The following HECTD2 variants were observed in gnomAD, a reference collection of about 807,000 sequenced individuals.
HECTD2 encodes the protein HECT domain E3 ubiquitin protein ligase 2.
A neutral mutation model predicts 103.2 loss-of-function variants in HECTD2; 35 were observed. That is an observed-to-expected ratio of 0.34 (90% CI 0.26 to 0.45). The LOEUF is 0.45. Among genes scored for constraint, HECTD2 ranks in the 20% least tolerant of loss-of-function variants. HECTD2 has a pLI of 1.00. For missense variants in HECTD2, 596 were observed against 937.4 expected, an observed-to-expected ratio of 0.64 and a Z score of 4.76; for synonymous variants, 281 against 329.9, an observed-to-expected ratio of 0.85 and a Z score of 1.61.
At chr10:91,476,830 T>A (rs1343079631) in intron 5 of HECTD2, among the ~76,000 whole-genome samples, 4 of 152,000 alleles carry the variant, frequency 2.6e-5, no homozygotes, top group Non-Finnish European at 5.9e-5. Flanking sequence ...TTGGCTGGGG[T>A]GTGGTCGTCT....
chr10:91,469,070 A>G (rs1845636508), intron 5 of HECTD2, among the ~76,000 whole-genome samples: 1 of 149,528 alleles, frequency 6.7e-6, no homozygotes, highest in East Asian at 1.9e-4. Context: ...TAAAAAATAA[A>G]GAAGAATGAA....
At chr10:91,415,278 G>GA (rs1247614601) in intron 1 of HECTD2, among the ~76,000 whole-genome samples, 2 of 151,132 alleles carry the variant, frequency 1.3e-5, no homozygotes, top group African/African-American at 2.4e-5. Context: ...AATCTTGTAT[G>GA]AAAAATGTTG....
intron 1 of HECTD2, among the ~76,000 whole-genome samples, chr10:91,416,157 A>G (rs1843118906): frequency 6.6e-6 from 1 of 152,224 alleles, no homozygotes; most frequent in African/African-American, 2.4e-5. Context: ...AGCGGTCATT[A>G]TAAATTGTGA....
intron 20 of HECTD2, among the ~76,000 whole-genome samples, chr10:91,509,778 C>T (rs1230958909): frequency 6.6e-6 from 1 of 151,936 alleles, no homozygotes; most frequent in Non-Finnish European, 1.5e-5. Flanking sequence ...CCTACTTGAG[C>T]GGGTAGGGTG....
chr10:91,466,758 A>G (rs545198223), intron 5 of HECTD2, among the ~76,000 whole-genome samples: 25 of 152,310 alleles, frequency 1.6e-4, no homozygotes, highest in Admixed American at 1.3e-3. Context: ...ATGTCCTTCC[A>G]TAGGTGAAGG....
At chr10:91,502,647 A>AAAG in intron 20 of HECTD2, among the ~76,000 whole-genome samples, 1 of 152,262 alleles carries the variant, frequency 6.6e-6, no homozygotes, top group Admixed American at 6.5e-5. Context: ...ATTTACAATT[A>AAAG]AAGTCCTAAA....
intron 20 of HECTD2, among the ~76,000 whole-genome samples, chr10:91,510,028 C>T (rs886799276): frequency 6.6e-6 from 1 of 152,038 alleles, no homozygotes; most frequent in African/African-American, 2.4e-5. Flanking sequence ...TGAATAGTAT[C>T]AGTGAAAAGG....
intron 2 of HECTD2, among the ~76,000 whole-genome samples, chr10:91,435,502 G>A (rs1190590513): frequency 6.6e-6 from 1 of 151,956 alleles, no homozygotes; most frequent in Non-Finnish European, 1.5e-5. Context: ...GAGTACAAAG[G>A]CAGTCAGGGT....
chr10:91,426,108 T>A (rs1843548559), intron 2 of HECTD2, among the ~76,000 whole-genome samples: 1 of 152,006 alleles, frequency 6.6e-6, no homozygotes, highest in Admixed American at 6.6e-5. Flanking sequence ...AGAATATGAA[T>A]CCAACGTTTT....
chr10:91,414,014 G>A (rs1306585622), intron 1 of HECTD2, among the ~76,000 whole-genome samples: 2 of 152,168 alleles, frequency 1.3e-5, no homozygotes, highest in African/African-American at 2.4e-5. Flanking sequence ...ATTAGTTACT[G>A]ATGTATTACA....
intron 2 of HECTD2, among the ~76,000 whole-genome samples, chr10:91,440,092 C>T (rs889756024): frequency 4.6e-5 from 7 of 152,088 alleles, no homozygotes; most frequent in African/African-American, 1.7e-4. Context: ...CCTGACTGCC[C>T]TGGCCAAAAT....
At chr10:91,413,742 A>T (rs1291194414) in intron 1 of HECTD2, among the ~76,000 whole-genome samples, 10 of 152,200 alleles carry the variant, frequency 6.6e-5, no homozygotes. Flanking sequence ...TGAAGTGAAC[A>T]AGAGACAGTA....
intron 10 of HECTD2, 184 bp downstream of exon 10, chr10:91,485,487 T>G (rs1846234471): frequency 2.1e-6 from 1 of 478,946 alleles, no homozygotes; most frequent in Non-Finnish European, 3.5e-6. Context: ...TTTGAATTTA[T>G]GTACATGTTA....
At chr10:91,462,206 T>A (rs753466237) in intron 5 of HECTD2, 22 bp downstream of exon 5, 12 of 1,565,648 alleles carry the variant, frequency 7.7e-6, no homozygotes, top group Non-Finnish European at 1.0e-5. Context: ...GACATGCAAG[T>A]AATATTATTC....
At chr10:91,417,920 A>G (rs1843197654) in intron 1 of HECTD2, among the ~76,000 whole-genome samples, 1 of 152,194 alleles carries the variant, frequency 6.6e-6, no homozygotes, top group Admixed American at 6.5e-5. Context: ...TTCTAGTTCT[A>G]GATCCCTGAG....
rs1202089424 is a variant in HECTD2, at chr10:91,487,004, A to G, written c.1095-678A>G. 6.6e-6 allele frequency: 1 copy of G among 152,324 alleles called. No homozygotes were observed. The highest frequency in any genetic ancestry group is 2.4e-5 in the African/African-American group (1 of 41,422). 9.4% of individuals were successfully genotyped at this position (152,324 alleles called of 1,614,324 possible). ...TAACTCCAGAAGTGTCATTGCTGCC[A>G]TATTCATTCTTTCTAAATGCATTTA... is the stretch of plus-strand genomic sequence containing the variant. On this transcript the variant is annotated intron_variant, in intron 10 of 20. Transcript: ENST00000298068. The surrounding 1 kb of genome is among the most constrained non-coding windows in gnomAD (Gnocchi z 4.1).
chr10:91,484,366 A>G, intron 8 of HECTD2, 141 bp from the exon 9 acceptor site: 1 of 1,437,196 alleles, frequency 7.0e-7, no homozygotes, highest in Non-Finnish European at 9.4e-7. Flanking sequence ...GTATCTTTTC[A>G]AATGTTTGGC....
intron 14 of HECTD2, among the ~76,000 whole-genome samples, chr10:91,495,705 A>G (rs943058178): frequency 3.3e-5 from 5 of 152,088 alleles, no homozygotes; most frequent in Admixed American, 6.5e-5. Context: ...GAAATTACCT[A>G]TCCTATTAGC....
At chr10:91,409,506 G>GT (rs1200198816), upstream of HECTD2, 1 of 153,146 alleles carries the variant, frequency 6.5e-6, no homozygotes, top group Non-Finnish European at 1.5e-5. Context: ...AGAGCAAAAC[G>GT]TAGGCGCGTG....
Sources: gnomAD v4.1 joint callset for allele counts (sites outside exome capture counted in the v4.1 genomes callset) on GRCh38, gnomAD v4.1.1 for gene constraint, Gnocchi (gnomAD v3.1) non-coding constraint, MANE v1.5 for transcripts, NCBI Gene and HGNC (gene_info 2026-07-23, HGNC 2026-07-21) for gene names.